The following CAPRIN2 variants were observed in gnomAD, a reference collection of about 807,000 sequenced individuals.
CAPRIN2 encodes caprin family member 2, also known as caprin-2.
A neutral mutation model predicts 130.4 loss-of-function variants in CAPRIN2; 66 were observed. That is an observed-to-expected ratio of 0.51 (90% CI 0.42 to 0.62). The LOEUF (loss-of-function observed/expected upper bound fraction) is 0.62. CAPRIN2 is among the 20% of genes least tolerant of loss of function. The probability of loss-of-function intolerance (pLI) is 0.00; values close to 1 mark genes in which losing one functional copy is unlikely to be tolerated. For synonymous variants in CAPRIN2, 471 were observed against 444.1 expected (o/e 1.06, Z -0.76); for missense variants, 1,185 against 1,246.6 (o/e 0.95, Z 0.74).
intron 1 of CAPRIN2, 154 bp from the exon 3 acceptor site, chr12:30,751,287 A>G: frequency 1.6e-6 from 1 of 636,884 alleles, no homozygotes. Flanking sequence ...CAGCAACTGT[A>G]GATGAGTTCC....
intron 2 of CAPRIN2, among the ~76,000 whole-genome samples, chr12:30,744,392 C>A (rs2068908387): frequency 1.3e-5 from 2 of 152,138 alleles, no homozygotes; most frequent in Admixed American, 1.3e-4. Context: ...AAGTAATTTT[C>A]AAATGGTGTA....
chr12:30,714,948 T>C lies in CAPRIN2; in HGVS notation c.2500+11A>G. 1 of 1,602,580 alleles carries C rather than the reference T, an allele frequency of 6.2e-7. No homozygotes were observed. Among genetic ancestry groups the C allele is most frequent in the South Asian group, 1.1e-5 (1 of 90,018 alleles). On this transcript the variant is annotated intron_variant, in intron 14 of 16. Transcript: ENST00000298892. ...ATAATTCAGTATAATTCAATTTTATTCAGGGCATACCTTTATAACCACCAG... is the reference window on the plus strand; with the variant it reads ...ATAATTCAGTATAATTCAATTTTATCCAGGGCATACCTTTATAACCACCAG...
Position 30,713,723 on chromosome 12 carries a change from A to G in CAPRIN2, c.2601+62T>C, listed in dbSNP as rs188247987. ...AAATTATGACTCTGCGATATACTTCAATCACCAGCTTAACATCAACAACTG... is the reference window on the plus strand; with the variant it reads ...AAATTATGACTCTGCGATATACTTCGATCACCAGCTTAACATCAACAACTG... On this transcript the variant is annotated intron_variant, in intron 15 of 16. Coordinates refer to ENST00000298892, the Ensembl canonical transcript of CAPRIN2. 120 of 943,330 alleles carry G rather than the reference A, an allele frequency of 1.3e-4. No individual in the cohort carries two copies. In the East Asian group the frequency reaches 2.1e-3, roughly 16 times the overall value. 58.4% of individuals were successfully genotyped at this position (943,330 alleles called of 1,614,324 possible). A position where few individuals can be genotyped will look rare whatever the true frequency, so the allele number is the denominator to read the frequency against.
chr12:30,718,984 A>G (rs1305031899), intron 12 of CAPRIN2, 95 bp downstream of exon 14: 4 of 1,399,894 alleles, frequency 2.9e-6, no homozygotes, highest in Non-Finnish European at 3.8e-6. Context: ...TACAAAAGGC[A>G]AACTTTTCAC....
chr12:30,711,138 T>A (rs1041741845), intron 16 of CAPRIN2, among the ~76,000 whole-genome samples: 3 of 152,178 alleles, frequency 2.0e-5, no homozygotes, highest in Admixed American at 1.3e-4. Context: ...CCTTCACATT[T>A]TAAAAAGTGT....
chr12:30,727,891 A>G (rs1246808047), intron 8 of CAPRIN2, among the ~76,000 whole-genome samples: 1 of 152,212 alleles, frequency 6.6e-6, no homozygotes, highest in Non-Finnish European at 1.5e-5. Context: ...CCTGGGCTAA[A>G]CTGAGTGACC....
At chr12:30,746,840 C>A (rs2070743662) in intron 2 of CAPRIN2, among the ~76,000 whole-genome samples, 1 of 152,198 alleles carries the variant, frequency 6.6e-6, no homozygotes. Flanking sequence ...AATGTAGAAG[C>A]TGCATCAAGT....
chr12:30,753,216 G>A (rs1476711560), intron 1 of CAPRIN2, 128 bp downstream of exon 2: 1 of 697,868 alleles, frequency 1.4e-6, no homozygotes, highest in Admixed American at 2.4e-5. Flanking sequence ...TAACCTGCTT[G>A]TTTAAAGCAG....
At chr12:30,716,288 C>T (rs1212419190) in intron 13 of CAPRIN2, 13 of 447,568 alleles carry the variant, frequency 2.9e-5, no homozygotes, top group Non-Finnish European at 4.7e-5. Context: ...AGGTTAAATC[C>T]GTCATCTAAG....
intron 2 of CAPRIN2, among the ~76,000 whole-genome samples, chr12:30,747,810 A>G (rs1424353024): frequency 1.3e-5 from 2 of 152,240 alleles, no homozygotes; most frequent in Non-Finnish European, 2.9e-5. Context: ...GATGTCATTA[A>G]GAACATTTGT....
chr12:30,727,476 T>TA (rs2061290276), intron 8 of CAPRIN2, among the ~76,000 whole-genome samples: 1 of 152,106 alleles, frequency 6.6e-6, no homozygotes, highest in South Asian at 2.1e-4. Flanking sequence ...AGCCTTTAGC[T>TA]AAAATGGCAC....
intron 2 of CAPRIN2, among the ~76,000 whole-genome samples, chr12:30,743,115 T>TC (rs1295897396): frequency 2.6e-4 from 38 of 143,796 alleles, no homozygotes; most frequent in African/African-American, 8.8e-4. Context: ...GAAGAAGGTA[T>TC]CCCCCCTCCC....
rs1202129537 is a variant in CAPRIN2, at chr12:30,710,229, A to G, written c.2907T>C (p.Phe969=). Reference sequence around the variant, plus strand: ...CTCCTAAGTTGTTCAGAAGAAGATCAAACACAATAGGTTGGTCTAAAGTTC... The same window carrying G: ...CTCCTAAGTTGTTCAGAAGAAGATCGAACACAATAGGTTGGTCTAAAGTTC... The change falls in exon 17 of 17, where the codon TTT becomes TTC. Residue 969 remains phenylalanine, a synonymous_variant. Transcript: ENST00000298892. This position sits in a 1 kb window ranked among gnomAD's most constrained non-coding sequence, Gnocchi z 4.8. 1 of 1,614,206 alleles carries G rather than the reference A, an allele frequency of 6.2e-7. No individual in the cohort carries two copies. The highest frequency in any genetic ancestry group is 2.2e-5 in the East Asian group (1 of 44,878).
intron 13 of CAPRIN2, chr12:30,716,024 C>T (rs911764758): frequency 2.6e-5 from 4 of 155,586 alleles, no homozygotes; most frequent in African/African-American, 7.2e-5. Flanking sequence ...ACAAAGTTAC[C>T]TATTCTTTCA....
chr12:30,711,686 T>C, intron 15 of CAPRIN2, 57 bp from the exon 18 acceptor site: 2 of 1,396,622 alleles, frequency 1.4e-6, no homozygotes, highest in Non-Finnish European at 2.0e-6. Context: ...TATAATTGGT[T>C]ATTACACAGG....
chr12:30,724,499 TA>T (rs762904176), intron 9 of CAPRIN2, 48 bp from the exon 11 acceptor site: 1 of 1,213,276 alleles, frequency 8.2e-7, no homozygotes, highest in South Asian at 1.2e-5. Flanking sequence ...ATTACTCATT[TA>T]AAAGCTATTA....
chr12:30,717,108 G>A lies in CAPRIN2; in HGVS notation c.2149-432C>T, dbSNP rs577341445. Among the ~76,000 whole-genome samples, 53 of 152,244 alleles carry A rather than the reference G, an allele frequency of 3.5e-4. No individual in the cohort carries two copies. In the South Asian group the frequency reaches 0.01, roughly 29 times the overall value. On this transcript the variant is annotated intron_variant, in intron 12 of 16. Transcript: ENST00000298892. ...AGGTATATACCCAAAATAACTGAAAGCAGGACTCAAACAGATATTTACACA... is the reference window on the plus strand; with the variant it reads ...AGGTATATACCCAAAATAACTGAAAACAGGACTCAAACAGATATTTACACA...
chr12:30,710,783 C>T lies in CAPRIN2; in HGVS notation c.2666-313G>A, dbSNP rs1364702347. 6.6e-6 allele frequency among the ~76,000 whole-genome samples: 1 copy of T among 152,198 alleles called. No individual in the cohort carries two copies. Among genetic ancestry groups the T allele is most frequent in the East Asian group, 1.9e-4 (1 of 5,196 alleles). On this transcript the variant is annotated intron_variant, in intron 16 of 16. Transcript: ENST00000298892. This position sits in a 1 kb window ranked among gnomAD's most constrained non-coding sequence, Gnocchi z 4.8. ...CAGGTCTGAACACTTTTTACTTCAT[C>T]TTCCTCCCATAATTCTTAATTTCTC... is the stretch of plus-strand genomic sequence containing the variant.
exon 1 of CAPRIN2, chr12:30,754,130 A>C: frequency 5.1e-6 from 1 of 195,106 alleles, no homozygotes. Context: ...AAGAATGCTA[A>C]CTTCCCCGAT....
Sources: gnomAD v4.1 joint callset for allele counts (sites outside exome capture counted in the v4.1 genomes callset) on GRCh38, gnomAD v4.1.1 for gene constraint, Gnocchi (gnomAD v3.1) non-coding constraint, MANE v1.5 for transcripts, NCBI Gene and HGNC (gene_info 2026-07-23, HGNC 2026-07-21) for gene names.